LGI2: variants seen among roughly 807,000 people sequenced by gnomAD.
The protein encoded by LGI2 is leucine rich repeat LGI family member 2, also known as leucine-rich repeat LGI family member 2.
A neutral mutation model predicts 52.0 loss-of-function variants in LGI2; 30 were observed. The ratio of observed to expected loss-of-function variants is 0.58; its 90% confidence interval spans 0.43 to 0.78. The LOEUF (loss-of-function observed/expected upper bound fraction) is 0.78. Ranked by LOEUF, LGI2 falls within the 30% of genes least tolerant of loss-of-function variation. LGI2 has a pLI of 0.00. For missense variants in LGI2, 573 were observed against 692.5 expected, an observed-to-expected ratio of 0.83 and a Z score of 1.94; for synonymous variants, 270 against 271.8, an observed-to-expected ratio of 0.99 and a Z score of 0.06.
chr4:25,004,333 A>G lies in LGI2; in HGVS notation c.821-65T>C. On this transcript the variant is annotated intron_variant, in intron 7 of 7. Coordinates refer to ENST00000382114, the MANE Select transcript of LGI2 (RefSeq NM_018176.4). This position sits in a 1 kb window ranked among gnomAD's most constrained non-coding sequence, Gnocchi z 4.6. The stretch of plus-strand genomic sequence containing the variant: ...CAGCTAAAAACGCATCTCCGCTTGT[A>G]CTCTTATACACTGCTGGTGGGAGTG... 7.5e-7 allele frequency: 1 copy of G among 1,333,728 alleles called. No homozygotes were observed. Among genetic ancestry groups the G allele is most frequent in the Admixed American group, 2.0e-5 (1 of 49,912 alleles). The allele number at this position is 1,333,728 out of a possible 1,614,324, so 82.6% of individuals were successfully genotyped here.
intron 4 of LGI2, among the ~76,000 whole-genome samples, chr4:25,024,286 G>C (rs1726070542): frequency 6.6e-6 from 1 of 152,196 alleles, no homozygotes; most frequent in African/African-American, 2.4e-5. Flanking sequence ...GGCCGAGGCA[G>C]GTGGATCACT....
the LGI2 span, among the ~76,000 whole-genome samples, chr4:24,992,566 AT>A: frequency 6.6e-6 from 1 of 152,028 alleles, no homozygotes; most frequent in African/African-American, 2.4e-5. Context: ...ATAAAAAAAA[AT>A]AAAAAATAAA....
chr4:25,015,878 T>C (rs1159790409), intron 6 of LGI2, among the ~76,000 whole-genome samples: 3 of 152,170 alleles, frequency 2.0e-5, no homozygotes, highest in Non-Finnish European at 4.4e-5. Flanking sequence ...TTTTTCCCGA[T>C]GGAAGAAACT....
rs1009328467 is a variant in LGI2, at chr4:25,004,586, G to C, written c.821-318C>G. Among the ~76,000 whole-genome samples the C allele has an allele frequency of 6.6e-6, 1 of 152,136 alleles. No homozygotes were observed. Among genetic ancestry groups the C allele is most frequent in the Non-Finnish European group, 1.5e-5 (1 of 68,036 alleles). ...CCAATGTGATGGTATTTGGTGGTGG[G>C]GCCTTTGGGAGGTGATTAGGTCATG... On this transcript the variant is annotated intron_variant, in intron 7 of 7. Coordinates refer to ENST00000382114, the MANE Select transcript of LGI2 (RefSeq NM_018176.4). This position sits in a 1 kb window ranked among gnomAD's most constrained non-coding sequence, Gnocchi z 4.6.
rs543755359 is a variant in LGI2 at position 25,000,606 on chromosome 4, A to C, written c.*2845T>G. 1 of 152,376 alleles carries C rather than the reference A, an allele frequency of 6.6e-6. No individual in the cohort carries two copies. The highest frequency in any genetic ancestry group is 2.1e-4 in the South Asian group (1 of 4,822). 9.4% of individuals were successfully genotyped at this position (152,376 alleles called of 1,614,324 possible). On this transcript the variant is annotated 3_prime_UTR_variant, in exon 8 of 8. Transcript: ENST00000382114. ...GTATGGGGACAAGCCCCCTTTAAGG[A>C]AAGGCCTTAAAGCCACATGGCCGCA...
chr4:25,007,583 G>C (rs1477201963), intron 7 of LGI2, among the ~76,000 whole-genome samples: 1,571 of 32,790 alleles, frequency 0.048, 28 homozygotes, highest in African/African-American at 0.2. Flanking sequence ...AGATCAGTGT[G>C]TGTGTGTGTG....
At chr4:24,998,822 A>G, downstream of LGI2, 1 of 152,198 alleles carries the variant, frequency 6.6e-6, no homozygotes, top group East Asian at 1.9e-4. Context: ...TATTCATATT[A>G]AGCAGACCAG....
At position 25,009,926 on chromosome 4, in the gene LGI2, G is replaced by A. The variant is rs141955442; in HGVS notation, c.820+2409C>T. On this transcript the variant is annotated intron_variant, in intron 7 of 7. Transcript: ENST00000382114. ...TGGGATAACAGGCATGAGTCAACAC[G>A]CCTGGCCAGAGTTTTATCTAGTTTA... 1.1e-3 allele frequency among the ~76,000 whole-genome samples: 170 copies of A among 152,248 alleles called. 1 individual carries two copies. In the East Asian group the frequency reaches 0.022, roughly 19 times the overall value.
At chr4:25,014,305 T>G (rs1725678417) in intron 6 of LGI2, among the ~76,000 whole-genome samples, 1 of 151,972 alleles carries the variant, frequency 6.6e-6, no homozygotes, top group African/African-American at 2.4e-5. Flanking sequence ...TGAAAAGGAG[T>G]TGTCACAGTG....
chr4:25,022,189 G>A (rs1725988219), intron 4 of LGI2, among the ~76,000 whole-genome samples: 1 of 152,176 alleles, frequency 6.6e-6, no homozygotes, highest in Non-Finnish European at 1.5e-5. Context: ...GGCCACTGTA[G>A]ACAGTAAAGT....
At chr4:24,994,641 G>C (rs1725006267), downstream of LGI2, among the ~76,000 whole-genome samples, 1 of 152,174 alleles carries the variant, frequency 6.6e-6, no homozygotes, top group Non-Finnish European at 1.5e-5. Context: ...GTCGAAATGT[G>C]TGTTTCGGGG....
At chr4:25,026,540 G>C (rs1726157617) in intron 3 of LGI2, among the ~76,000 whole-genome samples, 1 of 152,138 alleles carries the variant, frequency 6.6e-6, no homozygotes, top group African/African-American at 2.4e-5. Context: ...TGGCTGGTCA[G>C]CAAATCCATG....
rs1726323575 is a variant in LGI2, at chr4:25,030,850, C to T, written c.-157G>A. On this transcript the variant is annotated 5_prime_UTR_variant, in exon 1 of 8. Coordinates refer to ENST00000382114, the MANE Select transcript of LGI2 (RefSeq NM_018176.4). ...CGGGTGTGGGAGGCCGAGCCGCAGC[C>T]GAGCAGCATGCTGGCCGCCACCCCC... 8.3e-6 allele frequency: 2 copies of T among 240,456 alleles called. No individual in the cohort carries two copies. The highest frequency in any genetic ancestry group is 6.4e-5 in the Admixed American group (1 of 15,714). The allele number at this position is 240,456 out of a possible 1,614,324, so 14.9% of individuals were successfully genotyped here.
chr4:25,017,540 T>C (rs1243432695), intron 6 of LGI2, among the ~76,000 whole-genome samples: 1 of 29,970 alleles, frequency 3.3e-5, no homozygotes, highest in East Asian at 1.6e-3. Flanking sequence ...AGACTCTGCC[T>C]CAAAAAAAAA....
At position 24,999,790 on chromosome 4, in the gene LGI2, A is replaced by C; in HGVS notation, c.*3661T>G. 2.2e-6 allele frequency: 1 copy of C among 456,060 alleles called. No individual in the cohort carries two copies. The highest frequency in any genetic ancestry group is 1.6e-5 in the South Asian group (1 of 64,496). The allele number at this position is 456,060 out of a possible 1,614,324, so 28.3% of individuals were successfully genotyped here. ...ACTCTCACTCCATGGGGAAGAAAAAATGCAACTCTGCCATTTCCAGTGTGC... is the reference window on the plus strand; with the variant it reads ...ACTCTCACTCCATGGGGAAGAAAAACTGCAACTCTGCCATTTCCAGTGTGC... On this transcript the variant is annotated 3_prime_UTR_variant, in exon 8 of 8. Coordinates refer to ENST00000382114, the MANE Select transcript of LGI2 (RefSeq NM_018176.4).
intron 7 of LGI2, among the ~76,000 whole-genome samples, chr4:25,007,079 T>A (rs1007710490): frequency 3.3e-5 from 5 of 152,368 alleles, no homozygotes; most frequent in Admixed American, 2.0e-4. Context: ...GCGCCCATGC[T>A]GTGAACATTT....
chr4:24,999,521 C>A lies in LGI2; in HGVS notation c.*3930G>T. 1 of 234,644 alleles carries A rather than the reference C, an allele frequency of 4.3e-6. No individual in the cohort carries two copies. The highest frequency in any genetic ancestry group is 5.4e-5 in the Admixed American group (1 of 18,482). The allele number at this position is 234,644 out of a possible 1,614,324, so 14.5% of individuals were successfully genotyped here. Reference sequence around the variant, plus strand: ...ACTCCAGGAAGCTGTTGAACAGAATCTTTGGCCGCTGCCTAATTAAAGAAC... The same window carrying A: ...ACTCCAGGAAGCTGTTGAACAGAATATTTGGCCGCTGCCTAATTAAAGAAC... On this transcript the variant is annotated 3_prime_UTR_variant, in exon 8 of 8. Transcript: ENST00000382114.
chr4:25,019,369 G>T, intron 4 of LGI2, 131 bp from the exon 5 acceptor site: 1 of 604,732 alleles, frequency 1.7e-6, no homozygotes, highest in Non-Finnish European at 2.9e-6. Flanking sequence ...AATGAGCTTA[G>T]TTATGCAAAT....
chr4:25,026,536 G>T (rs4428268), intron 3 of LGI2, among the ~76,000 whole-genome samples: 120,558 of 152,060 alleles, frequency 0.79, 48,056 homozygotes, highest in East Asian at 1. Context: ...TTTCTGGCTG[G>T]TCAGCAAATC....
Sources: gnomAD v4.1 joint callset for allele counts (sites outside exome capture counted in the v4.1 genomes callset) on GRCh38, gnomAD v4.1.1 for gene constraint, Gnocchi (gnomAD v3.1) non-coding constraint, MANE v1.5 for transcripts, NCBI Gene and HGNC (gene_info 2026-07-23, HGNC 2026-07-21) for gene names.